The following VSIG1 variants were observed in gnomAD, a reference collection of about 807,000 sequenced individuals.
The protein encoded by VSIG1 is V-set and immunoglobulin domain-containing protein 1.
A neutral mutation model predicts 20.1 loss-of-function variants in VSIG1; 11 were observed. That is an observed-to-expected ratio of 0.55 (90% confidence interval 0.34 to 0.91). The LOEUF is 0.91. Among genes scored for constraint, VSIG1 ranks in the 40% least tolerant of loss-of-function variants. VSIG1 has a pLI of 0.02. For missense variants in VSIG1, 283 were observed against 298.8 expected (o/e 0.95, Z 0.39); for synonymous variants, 126 against 116.7 (o/e 1.08, Z -0.52).
chrX:108,073,257 C>G lies in VSIG1; in HGVS notation c.576C>G (p.Thr192=). The change falls in exon 5 of 7, where the codon ACC becomes ACG. Residue 192 remains threonine, a synonymous_variant. Coordinates refer to ENST00000217957, the MANE Select transcript of VSIG1 (RefSeq NM_182607.5). ...ATTCCCTGGTTTCAACAGACCCAAC[C>G]ACCGGGATTTTGGTCATTGGAAATC... The part of the protein sequence containing the change: ...IVPVKENFNP[T]TGILVIGNLT... 1.7e-6 allele frequency: 2 copies of G among 1,210,878 alleles called. No homozygotes were observed. Among genetic ancestry groups the G allele is most frequent in the Non-Finnish European group, 2.2e-6 (2 of 894,924 alleles).
chrX:108,047,907 C>CATATATATATACACATAT (rs2030655926), intron 1 of VSIG1, among the ~76,000 whole-genome samples: 1 of 29,244 alleles, frequency 3.4e-5, no homozygotes, highest in African/African-American at 2.3e-4. Context: ...TATATATACA[C>CATATATATATACACATAT]ATATATATAT....
intron 1 of VSIG1, among the ~76,000 whole-genome samples, chrX:108,047,897 T>TATAC (rs2030652868): frequency 4.2e-5 from 2 of 47,626 alleles, no homozygotes; most frequent in East Asian, 2.0e-3. Context: ...CACACATATA[T>TATAC]ATATATACAC....
At chrX:108,025,043 G>A in the VSIG1 span, among the ~76,000 whole-genome samples, 1 of 110,967 alleles carries the variant, frequency 9.0e-6, no homozygotes, top group African/African-American at 3.3e-5. Flanking sequence ...GTTGAATGTG[G>A]GATATTGATG....
At chrX:108,061,365 T>C (rs2031017656) in intron 2 of VSIG1, 1 of 870,324 alleles carries the variant, frequency 1.1e-6, no homozygotes. Flanking sequence ...ACTCCTGGGT[T>C]GATGTGGCAG....
chrX:108,034,467 G>A, the VSIG1 span, among the ~76,000 whole-genome samples: 1 of 111,830 alleles, frequency 8.9e-6, no homozygotes, highest in African/African-American at 3.3e-5. Flanking sequence ...CTCTGATATC[G>A]TCAATTGTTG....
chrX:108,034,911 A>G, the VSIG1 span, among the ~76,000 whole-genome samples: 1 of 111,726 alleles, frequency 9.0e-6, no homozygotes, highest in African/African-American at 3.3e-5. Flanking sequence ...AACAAAGCAT[A>G]TGCAAAACAC....
At chrX:108,061,572 A>G (rs2031026129) in intron 2 of VSIG1, 3 of 1,094,070 alleles carry the variant, frequency 2.7e-6, no homozygotes, top group Non-Finnish European at 3.7e-6. Flanking sequence ...GGACTTCTTC[A>G]TTGTTTGGAG....
intron 4 of VSIG1, 36 bp downstream of exon 4, chrX:108,072,868 G>A: frequency 8.4e-7 from 1 of 1,185,364 alleles, no homozygotes; most frequent in Non-Finnish European, 1.1e-6. Flanking sequence ...GGAAAGGCCT[G>A]GTGTCTGTGG....
At position 108,072,721 on chromosome X, in the gene VSIG1, A is replaced by G. The variant is rs2031274572; in HGVS notation, c.457A>G (p.Thr153Ala). Residue 153 changes from threonine (T) to alanine (A), a missense_variant, in exon 4 of 7, where the codon ACT becomes GCT. Thr to Ala is a moderately conservative substitution (Grantham distance 58). Coordinates refer to ENST00000217957, the MANE Select transcript of VSIG1 (RefSeq NM_182607.5). ...TTGTAGCGTTCAAGGAAGACCAGAA[A>G]CTGGCCACACTATTTCCCTTTCCTG... Reference protein sequence around the residue: ...PLCSVQGRPETGHTISLSCLS... With the variant: ...PLCSVQGRPEAGHTISLSCLS... 1 of 1,211,028 alleles carries G rather than the reference A, an allele frequency of 8.3e-7. No homozygotes were observed. The highest frequency in any genetic ancestry group is 1.7e-5 in the African/African-American group (1 of 57,677).
intron 5 of VSIG1, among the ~76,000 whole-genome samples, chrX:108,075,099 T>G (rs1457452917): frequency 1.8e-5 from 2 of 111,963 alleles, no homozygotes; most frequent in African/African-American, 6.5e-5. Flanking sequence ...ACTGCAAACT[T>G]GGATTTAACT....
At chrX:108,070,949 C>T (rs1192007304) in intron 3 of VSIG1, among the ~76,000 whole-genome samples, 1 of 111,904 alleles carries the variant, frequency 8.9e-6, no homozygotes, top group African/African-American at 3.2e-5. Flanking sequence ...ACTTTAGTAG[C>T]AGGAATTAGT....
chrX:108,074,396 C>T (rs956444807), intron 5 of VSIG1, among the ~76,000 whole-genome samples: 90 of 111,741 alleles, frequency 8.1e-4, no homozygotes, highest in African/African-American at 2.9e-3. Context: ...AGGATTTGGA[C>T]TTGAGCATTG....
the VSIG1 span, among the ~76,000 whole-genome samples, chrX:108,037,762 C>T: frequency 1.8e-5 from 2 of 112,656 alleles, no homozygotes; most frequent in East Asian, 5.5e-4. Flanking sequence ...AAGCACAGTT[C>T]TATGCCCTCG....
In VSIG1 at chrX:108,045,100, G is replaced by T. The variant is rs1649154864; in HGVS notation, c.-31G>T. The T allele has an allele frequency of 1.7e-6, 2 of 1,146,417 alleles. No homozygotes were observed. Among genetic ancestry groups the T allele is most frequent in the Admixed American group, 2.4e-5 (1 of 40,832 alleles). The allele number at this position is 1,146,417 out of a possible 1,213,427, so 94.5% of individuals were successfully genotyped here. On this transcript the variant is annotated 5_prime_UTR_variant, in exon 1 of 7. Coordinates refer to ENST00000217957, the MANE Select transcript of VSIG1 (RefSeq NM_182607.5). ...TCAGCCTAGTCCAGGCAAGCTACTG[G>T]CACCTGCTGCTCTCAACTAACCTCC...
intron 4 of VSIG1, among the ~76,000 whole-genome samples, 174 bp from the exon 5 acceptor site, chrX:108,073,076 A>G (rs773451542): frequency 2.7e-5 from 3 of 111,670 alleles, no homozygotes; most frequent in Admixed American, 9.5e-5. Context: ...GGGAACAGGC[A>G]TGGTCCCAGG....
intron 1 of VSIG1, among the ~76,000 whole-genome samples, chrX:108,055,645 G>C (rs183843668): frequency 9.0e-6 from 1 of 111,641 alleles, no homozygotes; most frequent in East Asian, 2.8e-4. Context: ...GGTTTGTAAG[G>C]CTGGTTCAAC....
chrX:108,023,320 G>A, the VSIG1 span, among the ~76,000 whole-genome samples: 4 of 111,531 alleles, frequency 3.6e-5, no homozygotes, highest in Non-Finnish European at 7.5e-5. Context: ...AATCTTACTT[G>A]GTCATGTTGT....
chrX:108,036,804 G>A, the VSIG1 span, among the ~76,000 whole-genome samples: 14 of 112,059 alleles, frequency 1.2e-4, no homozygotes, highest in African/African-American at 4.5e-4. Context: ...AAGATGTCCA[G>A]AGGGCACATT....
In VSIG1 at chrX:108,047,843, T is replaced by TACATATATATAC. The variant is rs1569287089; in HGVS notation, c.49+2675_49+2676insCACATATATATA. On this transcript the variant is annotated intron_variant, in intron 1 of 6. Coordinates refer to ENST00000217957, the MANE Select transcript of VSIG1 (RefSeq NM_182607.5). ...ATACATATATATACACATATATATA[T>TACATATATATAC]ACATATATATATACACATATATATA... Among the ~76,000 whole-genome samples the TACATATATATAC allele has an allele frequency of 1.1e-3, 36 of 33,874 alleles. 2 individuals carry two copies. The highest frequency in any genetic ancestry group is 3.4e-3 in the African/African-American group (24 of 7,060). 29.4% of individuals were successfully genotyped at this position (33,874 alleles called of 115,157 possible). A position where few individuals can be genotyped will look rare whatever the true frequency, so the allele number is the denominator to read the frequency against.
Sources: allele counts gnomAD v4.1 joint callset (sites outside exome capture counted in the v4.1 genomes callset), GRCh38; gene constraint gnomAD v4.1.1; transcripts MANE v1.5; gene names NCBI Gene and HGNC (gene_info 2026-07-23, HGNC 2026-07-21).